The following C2orf76 variants were observed in gnomAD, a reference collection of about 807,000 sequenced individuals.
C2orf76 encodes the protein chromosome 2 open reading frame 76.
C2orf76 carries 23 observed loss-of-function variants against 16.9 expected under a neutral mutation model. The ratio of observed to expected loss-of-function variants is 1.36; its 90% CI spans 0.98 to 1.93. C2orf76 has a LOEUF of 1.93. Ranked by LOEUF, C2orf76 falls within the 30% of genes most tolerant of loss-of-function variation. The probability of loss-of-function intolerance (pLI) is 0.00; values close to 1 mark genes in which losing one functional copy is unlikely to be tolerated. For synonymous variants in C2orf76, 48 were observed against 52.3 expected, an observed-to-expected ratio of 0.92 and a Z score of 0.35; for missense variants, 152 against 152.6, an observed-to-expected ratio of 1.00 and a Z score of 0.02.
chr2:119,363,723 C>A (rs1481653286), intron 1 of C2orf76, among the ~76,000 whole-genome samples: 1 of 152,178 alleles, frequency 6.6e-6, no homozygotes, highest in Non-Finnish European at 1.5e-5. Context: ...AATGCTTTCA[C>A]TTATTAATAT....
the C2orf76 span, among the ~76,000 whole-genome samples, chr2:119,285,219 G>C: frequency 6.6e-6 from 1 of 152,122 alleles, no homozygotes. Context: ...CATTAGAAAA[G>C]AATGACTCAA....
chr2:119,301,792 CG>C (rs1045194828), downstream of C2orf76, among the ~76,000 whole-genome samples: 4 of 151,912 alleles, frequency 2.6e-5, no homozygotes, highest in African/African-American at 9.7e-5. Context: ...AGCATCCTGC[CG>C]CTTCCTCTCT....
intron 5 of C2orf76, among the ~76,000 whole-genome samples, chr2:119,305,942 C>CAAA (rs61325292): frequency 8.4e-6 from 1 of 119,646 alleles, no homozygotes; most frequent in East Asian, 2.3e-4. Context: ...AAAACAACAA[C>CAAA]AAAAAAAAAA....
At chr2:119,367,008 C>T (rs200879082), upstream of C2orf76, 2 of 1,613,224 alleles carry the variant, frequency 1.2e-6, no homozygotes, top group Non-Finnish European at 1.7e-6. Flanking sequence ...TCCTGGTCCT[C>T]GCCTCCTCCG....
chr2:119,356,388 C>T (rs1486115573), intron 1 of C2orf76, among the ~76,000 whole-genome samples: 1 of 130,596 alleles, frequency 7.7e-6, no homozygotes, highest in African/African-American at 2.8e-5. Context: ...CAGAGCGAGA[C>T]TCTGTCTCAA....
At chr2:119,352,621 C>G (rs1237943116) in intron 1 of C2orf76, among the ~76,000 whole-genome samples, 1 of 152,210 alleles carries the variant, frequency 6.6e-6, no homozygotes, top group Non-Finnish European at 1.5e-5. Context: ...TAAATACCAC[C>G]TGCTGGGTAT....
At chr2:119,345,765 A>C (rs972114004) in intron 1 of C2orf76, among the ~76,000 whole-genome samples, 1 of 151,738 alleles carries the variant, frequency 6.6e-6, no homozygotes, top group Non-Finnish European at 1.5e-5. Context: ...AAAAGTACTA[A>C]AAGAATAAAA....
downstream of C2orf76, among the ~76,000 whole-genome samples, chr2:119,301,824 C>G (rs888996507): frequency 4.7e-5 from 7 of 149,566 alleles, no homozygotes; most frequent in African/African-American, 1.5e-4. Flanking sequence ...GAGTTTGATT[C>G]TATGATAGTT....
chr2:119,311,844 G>A (rs1679002790), intron 4 of C2orf76, 141 bp from the exon 5 acceptor site: 2 of 755,568 alleles, frequency 2.6e-6, no homozygotes, highest in Admixed American at 2.8e-5. Flanking sequence ...AATGAGGGCA[G>A]TGAACAGAGG....
upstream of C2orf76, chr2:119,367,062 T>C (rs1681050304): frequency 6.2e-7 from 1 of 1,614,078 alleles, no homozygotes; most frequent in Non-Finnish European, 8.5e-7. Flanking sequence ...ATGTCTCAGG[T>C]ACAGCGCGTG....
At chr2:119,329,220 T>G (rs1188458137) in intron 2 of C2orf76, among the ~76,000 whole-genome samples, 1 of 152,224 alleles carries the variant, frequency 6.6e-6, no homozygotes, top group South Asian at 2.1e-4. Flanking sequence ...ATTCTGTTGT[T>G]AGGTGCATCG....
the C2orf76 span, among the ~76,000 whole-genome samples, chr2:119,288,294 C>A: frequency 6.6e-6 from 1 of 151,810 alleles, no homozygotes; most frequent in African/African-American, 2.4e-5. Context: ...GTAGCTCGGA[C>A]TACAGGCGCC....
intron 1 of C2orf76, among the ~76,000 whole-genome samples, chr2:119,355,195 T>TATA (rs1680531414): frequency 6.6e-6 from 1 of 152,236 alleles, no homozygotes; most frequent in African/African-American, 2.4e-5. Context: ...GTATACTGGG[T>TATA]ATAAATTCTA....
In C2orf76 at chr2:119,351,106, G is replaced by A. The variant is rs188180705; in HGVS notation, c.-12-11135C>T. ...AGGGGAACTACAGGATTAGGGTCTC[G>A]TGAGCTCGACTTCACATTTTGGCAA... is the stretch of plus-strand genomic sequence containing the variant. On this transcript the variant is annotated intron_variant, in intron 1 of 5. Coordinates refer to ENST00000334816, the MANE Select transcript of C2orf76 (RefSeq NM_001322331.2). Among the ~76,000 whole-genome samples, 29 of 152,304 alleles carry A rather than the reference G, an allele frequency of 1.9e-4. No homozygotes were observed. In the East Asian group the frequency reaches 3.9e-3, roughly 20 times the overall value.
At chr2:119,306,150 C>G (rs1439370698) in intron 5 of C2orf76, among the ~76,000 whole-genome samples, 1 of 152,194 alleles carries the variant, frequency 6.6e-6, no homozygotes, top group East Asian at 1.9e-4. Flanking sequence ...GAGTGAAGAA[C>G]GGCCACCATA....
chr2:119,292,344 CA>C, the C2orf76 span, among the ~76,000 whole-genome samples: 3 of 152,068 alleles, frequency 2.0e-5, no homozygotes, highest in Non-Finnish European at 4.4e-5. Context: ...CTAACCACCA[CA>C]GCGTTTGAGT....
intron 2 of C2orf76, among the ~76,000 whole-genome samples, chr2:119,329,858 T>C (rs971394842): frequency 1.1e-4 from 17 of 152,206 alleles, no homozygotes; most frequent in African/African-American, 3.8e-4. Context: ...TTTTAATTAT[T>C]TTCAAAATAA....
At chr2:119,334,671 C>T (rs1280489151) in intron 2 of C2orf76, among the ~76,000 whole-genome samples, 1 of 145,570 alleles carries the variant, frequency 6.9e-6, no homozygotes, top group African/African-American at 2.6e-5. Flanking sequence ...GCCTGGGCAA[C>T]TGGAATGAGA....
chr2:119,355,438 G>A (rs1301005964), intron 1 of C2orf76, among the ~76,000 whole-genome samples: 1 of 152,164 alleles, frequency 6.6e-6, no homozygotes, highest in East Asian at 1.9e-4. Context: ...CCAGGGTAAG[G>A]CTGGGCAGGT....
Sources: allele counts gnomAD v4.1 joint callset (sites outside exome capture counted in the v4.1 genomes callset), GRCh38; gene constraint gnomAD v4.1.1; transcripts MANE v1.5; gene names NCBI Gene and HGNC (gene_info 2026-07-23, HGNC 2026-07-21).